LTBP1: variants seen among roughly 807,000 people sequenced by gnomAD.
LTBP1 encodes the protein latent-transforming growth factor beta-binding protein 1.
In LTBP1, 129 loss-of-function variants were observed where a neutral mutation model predicts 207.6. The observed-to-expected ratio is 0.62, with a 90% CI of 0.54 to 0.72. LTBP1 has a LOEUF of 0.72. Among genes scored for constraint, LTBP1 ranks in the 30% least tolerant of loss-of-function variants. The pLI, the probability that LTBP1 is intolerant of heterozygous loss-of-function variation, is 0.00. For synonymous variants in LTBP1, 963 were observed against 833.7 expected, an observed-to-expected ratio of 1.16 and a Z score of -2.67; for missense variants, 2,281 against 2,217.2, an observed-to-expected ratio of 1.03 and a Z score of -0.58.
chr2:33,252,169 G>A (rs748727680), intron 10 of LTBP1, among the ~76,000 whole-genome samples: 4 of 152,160 alleles, frequency 2.6e-5, no homozygotes, highest in Non-Finnish European at 5.9e-5. Flanking sequence ...GTTCACTGGC[G>A]TAGGGTGAGA....
intron 2 of LTBP1, among the ~76,000 whole-genome samples, chr2:32,961,913 C>G (rs545503778): frequency 6.7e-6 from 1 of 149,800 alleles, no homozygotes; most frequent in African/African-American, 2.5e-5. Flanking sequence ...CCATTGCACT[C>G]CAGCCTGGGC....
chr2:33,397,159 C>A lies in LTBP1; in HGVS notation c.4861C>A (p.Gln1621Lys), dbSNP rs1200611873. The change falls in exon 33 of 34, where the codon CAG (glutamine) becomes AAG (lysine). Residue 1621 changes from glutamine to lysine, a missense_variant. By Grantham distance (53) the Gln-to-Lys change is moderately conservative. Transcript: ENST00000404816. ...DRFLNSFEELQAEECGILNGC... is the reference protein window; with the variant it reads ...DRFLNSFEELKAEECGILNGC... Reference sequence around the variant, plus strand: ...TTTTCTAAATAGCTTTGAGGAGTTACAGGCTGAGGAATGCGGCATCCTCAA... The same window carrying A: ...TTTTCTAAATAGCTTTGAGGAGTTAAAGGCTGAGGAATGCGGCATCCTCAA... 1 of 1,614,032 alleles carries A rather than the reference C, an allele frequency of 6.2e-7. No individual in the cohort carries two copies. Among genetic ancestry groups the A allele is most frequent in the Middle Eastern group, 1.7e-4 (1 of 6,056 alleles).
At chr2:33,062,262 T>C (rs960661164) in intron 3 of LTBP1, among the ~76,000 whole-genome samples, 1 of 152,282 alleles carries the variant, frequency 6.6e-6, no homozygotes, top group Middle Eastern at 3.4e-3. Context: ...TTCCTCTTAC[T>C]GTGTTAGTTT....
chr2:33,273,537 A>G (rs915602077), intron 15 of LTBP1, 119 bp from the exon 16 acceptor site: 6 of 662,036 alleles, frequency 9.1e-6, no homozygotes, highest in African/African-American at 3.7e-5. Context: ...TGTCTTCTAA[A>G]TGTAGAGCTG....
chr2:33,275,938 A>G lies in LTBP1; in HGVS notation c.2992+15A>G, dbSNP rs746421725. The stretch of plus-strand genomic sequence containing the variant: ...CCGTTGTGAGGGTGAGTCAGCTGAG[A>G]GTGTTCAGCACACATGACGGTGATG... On this transcript the variant is annotated intron_variant, in intron 18 of 33. Transcript: ENST00000404816. 4.5e-6 allele frequency: 7 copies of G among 1,569,222 alleles called. No individual in the cohort carries two copies. The East Asian group carries it at 1.6e-4, about 35-fold the overall frequency.
At chr2:32,960,193 A>G (rs1170279834) in intron 2 of LTBP1, among the ~76,000 whole-genome samples, 1 of 151,908 alleles carries the variant, frequency 6.6e-6, no homozygotes, top group Non-Finnish European at 1.5e-5. Context: ...TCAGACGGGA[A>G]GAGTACCCTC....
chr2:33,360,612 T>A lies in LTBP1; in HGVS notation c.4016T>A (p.Val1339Glu). 6.2e-7 allele frequency: 1 copy of A among 1,612,928 alleles called. No homozygotes were observed. The highest frequency in any genetic ancestry group is 1.1e-5 in the South Asian group (1 of 91,048). The change falls in exon 27 of 34, where the codon GTA becomes GAA. Residue 1339 changes from valine (V) to glutamate (E), a missense_variant. Val to Glu is a moderately radical substitution (Grantham distance 121). Coordinates refer to ENST00000404816, the MANE Select transcript of LTBP1 (RefSeq NM_206943.4). ...CTCCATTTAGATTTAGATGTAGATG[T>A]AGATCAACCCAAAGAAGAAAAGAAA... ...SRTSTDLDVDVDQPKEEKKEC... is the reference protein window; with the variant it reads ...SRTSTDLDVDEDQPKEEKKEC...
intron 7 of LTBP1, among the ~76,000 whole-genome samples, chr2:33,197,224 A>G (rs994418094): frequency 1.3e-5 from 2 of 152,246 alleles, no homozygotes; most frequent in African/African-American, 2.4e-5. Context: ...AGGGTGACAG[A>G]CAGGAGTGGT....
intron 31 of LTBP1, among the ~76,000 whole-genome samples, chr2:33,375,260 T>C (rs538696811): frequency 7.2e-5 from 11 of 152,174 alleles, no homozygotes; most frequent in Non-Finnish European, 1.5e-4. Flanking sequence ...TTAGCAATTA[T>C]TATGAATCAA....
At position 33,397,214 on chromosome 2, in the gene LTBP1, T is replaced by G. The variant is rs1574166587; in HGVS notation, c.4916T>G (p.Val1639Gly). The change falls in exon 33 of 34, where the codon GTC becomes GGC. Residue 1639 changes from valine (V) to glycine (G), a missense_variant. Coordinates refer to ENST00000404816, the MANE Select transcript of LTBP1 (RefSeq NM_206943.4). ...NGCENGRCVRVQEGYTCDCFD... is the reference protein window; with the variant it reads ...NGCENGRCVRGQEGYTCDCFD... ...TGTGAAAATGGTCGCTGTGTGAGGG[T>G]CCAGGAAGGTTACACCTGCGATTGC... is the stretch of plus-strand genomic sequence containing the variant. 1 of 1,614,118 alleles carries G rather than the reference T, an allele frequency of 6.2e-7. No individual in the cohort carries two copies. The highest frequency in any genetic ancestry group is 8.5e-7 in the Non-Finnish European group (1 of 1,179,992).
intron 24 of LTBP1, among the ~76,000 whole-genome samples, chr2:33,322,429 G>A (rs1357107537): frequency 6.6e-6 from 1 of 152,192 alleles, no homozygotes; most frequent in East Asian, 1.9e-4. Context: ...AAACTGTAAT[G>A]CTTCATACAC....
At chr2:32,983,138 G>A (rs1683023010) in intron 2 of LTBP1, among the ~76,000 whole-genome samples, 1 of 152,184 alleles carries the variant, frequency 6.6e-6, no homozygotes, top group Admixed American at 6.5e-5. Flanking sequence ...CATGGCTGTG[G>A]GAGCCCATCT....
intron 7 of LTBP1, among the ~76,000 whole-genome samples, chr2:33,206,462 C>A (rs62146726): frequency 3.3e-5 from 5 of 151,700 alleles, no homozygotes; most frequent in African/African-American, 7.3e-5. Flanking sequence ...CATTGGAGGC[C>A]AGGCACAGTG....
chr2:33,303,431 G>A (rs1345020180), intron 22 of LTBP1, among the ~76,000 whole-genome samples: 1 of 149,506 alleles, frequency 6.7e-6, no homozygotes, highest in Admixed American at 6.8e-5. Flanking sequence ...CTCACTGCAA[G>A]CTTCGCCTCC....
At chr2:33,253,414 A>C (rs949588794) in intron 11 of LTBP1, among the ~76,000 whole-genome samples, 1 of 152,224 alleles carries the variant, frequency 6.6e-6, no homozygotes, top group Non-Finnish European at 1.5e-5. Context: ...AATTTGGTAC[A>C]TAATTGCCTT....
rs139251665 is a variant in LTBP1, at chr2:33,001,461, A to G, written c.566-19448A>G. Among the ~76,000 whole-genome samples the G allele has an allele frequency of 1.5e-5, 2 of 135,042 alleles. 1 individual carries two copies. The highest frequency in any genetic ancestry group is 3.3e-5 in the Non-Finnish European group (2 of 61,408). 88.6% of individuals were successfully genotyped at this position (135,042 alleles called of 152,430 possible). A position where few individuals can be genotyped will look rare whatever the true frequency, so the allele number is the denominator to read the frequency against. ...TGGTCTGGTGACCACACCTAGAACAACTGCCTTAAGATTAAATAATGTTGG... is the reference window on the plus strand; with the variant it reads ...TGGTCTGGTGACCACACCTAGAACAGCTGCCTTAAGATTAAATAATGTTGG... On this transcript the variant is annotated intron_variant, in intron 2 of 33. Coordinates refer to ENST00000404816, the MANE Select transcript of LTBP1 (RefSeq NM_206943.4).
chr2:33,313,612 T>C (rs2094218289), intron 23 of LTBP1, among the ~76,000 whole-genome samples: 2 of 152,328 alleles, frequency 1.3e-5, no homozygotes, highest in South Asian at 4.1e-4. Context: ...TTGGGGAAGA[T>C]AGGAAAACGA....
At position 32,959,621 on chromosome 2, in the gene LTBP1, A is replaced by ATTTTTTTTTTTTTTTTTTT. The variant is rs397972038; in HGVS notation, c.565+10693_565+10694insTTTTTTTTTTTTTTTTTTT. ...TGTATATATATATATATATATATAT[A>ATTTTTTTTTTTTTTTTTTT]TTTTTTTTTTTTTTTTTGAGATGGA... is the stretch of plus-strand genomic sequence containing the variant. On this transcript the variant is annotated intron_variant, in intron 2 of 33. Coordinates refer to ENST00000404816, the MANE Select transcript of LTBP1 (RefSeq NM_206943.4). 2.7e-4 allele frequency among the ~76,000 whole-genome samples: 10 copies of ATTTTTTTTTTTTTTTTTTT among 36,668 alleles called. 1 individual carries two copies. Among genetic ancestry groups the ATTTTTTTTTTTTTTTTTTT allele is most frequent in the South Asian group, 1.5e-3 (1 of 656 alleles). 24.1% of individuals were successfully genotyped at this position (36,668 alleles called of 152,430 possible). A position where few individuals can be genotyped will look rare whatever the true frequency, so the allele number is the denominator to read the frequency against.
At position 33,371,419 on chromosome 2, in the gene LTBP1, A is replaced by G. The variant is rs540471268; in HGVS notation, c.4711+5916A>G. ...GAGGATCCTCAAATTTGTGGTCTTT[A>G]TTGTGATGTCATGTCAGCCTCTGAG... On this transcript the variant is annotated intron_variant, in intron 31 of 33. Transcript: ENST00000404816. 1.1e-4 allele frequency among the ~76,000 whole-genome samples: 16 copies of G among 152,254 alleles called. No homozygotes were observed. The East Asian group carries it at 2.9e-3, about 28-fold the overall frequency.
Sources: allele counts gnomAD v4.1 joint callset (sites outside exome capture counted in the v4.1 genomes callset), GRCh38; gene constraint gnomAD v4.1.1; transcripts MANE v1.5; gene names NCBI Gene and HGNC (gene_info 2026-07-23, HGNC 2026-07-21).